The following DLGAP1 variants were observed in gnomAD, a reference collection of about 807,000 sequenced individuals.
DLGAP1 encodes the protein disks large-associated protein 1.
DLGAP1 carries 11 observed loss-of-function variants against 90.8 expected under a neutral mutation model. The ratio of observed to expected loss-of-function variants is 0.12; its 90% CI spans 0.08 to 0.20. The LOEUF (loss-of-function observed/expected upper bound fraction) is 0.20, where lower values mean the gene tolerates loss of function less well. Ranked by LOEUF, DLGAP1 falls within the 10% of genes least tolerant of loss-of-function variation. The pLI, the probability that DLGAP1 is intolerant of heterozygous loss-of-function variation, is 1.00. For missense variants in DLGAP1, 1,050 were observed against 1,333.8 expected, an observed-to-expected ratio of 0.79 and a Z score of 3.31; for synonymous variants, 558 against 540.7, an observed-to-expected ratio of 1.03 and a Z score of -0.44.
At chr18:3,904,596 G>A (rs1447295948) in intron 3 of DLGAP1, among the ~76,000 whole-genome samples, 1 of 152,132 alleles carries the variant, frequency 6.6e-6, no homozygotes, top group Admixed American at 6.6e-5. Context: ...TTTTAGTGAT[G>A]ATTAAAGAAT....
At chr18:4,320,528 C>A (rs1190634873) in intron 1 of DLGAP1, among the ~76,000 whole-genome samples, 2 of 152,166 alleles carry the variant, frequency 1.3e-5, no homozygotes, top group Non-Finnish European at 2.9e-5. Context: ...GAGGCAAATA[C>A]AGAAAGCCAA....
intron 2 of DLGAP1, among the ~76,000 whole-genome samples, chr18:4,036,202 AAC>A (rs1425351557): frequency 2.0e-5 from 3 of 152,218 alleles, no homozygotes; most frequent in Non-Finnish European, 4.4e-5. Flanking sequence ...TACTAGGAGA[AAC>A]ACAGCTGGCC....
At chr18:4,127,512 T>G (rs571640377) in intron 2 of DLGAP1, among the ~76,000 whole-genome samples, 2 of 152,152 alleles carry the variant, frequency 1.3e-5, no homozygotes, top group African/African-American at 4.8e-5. Context: ...AGTTGATCCA[T>G]TGATGAAAGA....
intron 2 of DLGAP1, among the ~76,000 whole-genome samples, chr18:4,035,879 A>G (rs2074879496): frequency 6.6e-6 from 1 of 152,160 alleles, no homozygotes; most frequent in Admixed American, 6.5e-5. Flanking sequence ...GTTCCTAAGT[A>G]CATAATCAGT....
intron 1 of DLGAP1, among the ~76,000 whole-genome samples, chr18:4,381,113 A>C (rs1477670646): frequency 6.6e-6 from 1 of 152,196 alleles, no homozygotes; most frequent in Non-Finnish European, 1.5e-5. Flanking sequence ...TTAACGATTC[A>C]AAATGGTTGA....
chr18:3,606,018 A>AC (rs2057310922), intron 7 of DLGAP1, among the ~76,000 whole-genome samples: 1 of 152,258 alleles, frequency 6.6e-6, no homozygotes, highest in East Asian at 1.9e-4. Flanking sequence ...GACATTAAGA[A>AC]AAAAAAAGGT....
At chr18:3,747,581 C>T (rs935145405) in intron 5 of DLGAP1, among the ~76,000 whole-genome samples, 11 of 152,116 alleles carry the variant, frequency 7.2e-5, no homozygotes, top group Admixed American at 1.3e-4. Flanking sequence ...AGGGCAGTGA[C>T]GGGAGTGGCT....
chr18:3,597,350 A>G (rs1311375088), intron 7 of DLGAP1: 1 of 416,838 alleles, frequency 2.4e-6, no homozygotes, highest in Non-Finnish European at 4.6e-6. Flanking sequence ...TGTCTGGTAA[A>G]CAGAATAAAT....
intron 3 of DLGAP1, among the ~76,000 whole-genome samples, chr18:3,977,436 T>C (rs796890491): frequency 2.6e-5 from 1 of 38,762 alleles, no homozygotes; most frequent in African/African-American, 1.5e-4. Flanking sequence ...TATTCTGTGT[T>C]TTTTTTTTTT....
intron 2 of DLGAP1, among the ~76,000 whole-genome samples, chr18:4,031,428 C>T (rs181058172): frequency 2.3e-4 from 35 of 152,300 alleles, no homozygotes; most frequent in Admixed American, 2.2e-3. Context: ...ATAATGGCCC[C>T]CTCATGAAAA....
intron 7 of DLGAP1, among the ~76,000 whole-genome samples, chr18:3,680,671 C>T (rs542040971): frequency 2.6e-5 from 4 of 151,940 alleles, no homozygotes; most frequent in Admixed American, 6.6e-5. Context: ...CACCTGTAGT[C>T]CCAGCTACTT....
chr18:3,770,876 G>C (rs1398584087), intron 5 of DLGAP1: 2 of 152,194 alleles, frequency 1.3e-5, no homozygotes, highest in Admixed American at 1.3e-4. Flanking sequence ...AGCTTTTCCA[G>C]ATAGGTGTTT....
At position 4,252,850 on chromosome 18, in the gene DLGAP1, C is replaced by T. The variant is rs115356450; in HGVS notation, c.-266-101563G>A. Among the ~76,000 whole-genome samples the T allele has an allele frequency of 4.0e-3, 613 of 152,284 alleles. 7 individuals carry two copies. Among genetic ancestry groups the T allele is most frequent in the African/African-American group, 0.014 (587 of 41,546 alleles). On this transcript the variant is annotated intron_variant, in intron 1 of 12. Transcript: ENST00000315677. ...AATTCACACATCACAATGGCTGTAG[C>T]GCCAATCATGAGCTACCTTTTCTCT...
At chr18:3,957,595 CCTTT>C (rs1483491558) in intron 3 of DLGAP1, among the ~76,000 whole-genome samples, 5 of 151,784 alleles carry the variant, frequency 3.3e-5, no homozygotes, top group African/African-American at 7.3e-5. Context: ...ACTACTAATC[CCTTT>C]CTATTTACTA....
chr18:3,506,279 C>T (rs888992210), intron 11 of DLGAP1, among the ~76,000 whole-genome samples: 1 of 150,730 alleles, frequency 6.6e-6, no homozygotes, highest in African/African-American at 2.4e-5. Flanking sequence ...TTTCGGTGGC[C>T]GAGGCGGGCA....
At chr18:3,863,559 C>T (rs545592656) in intron 4 of DLGAP1, among the ~76,000 whole-genome samples, 6 of 152,198 alleles carry the variant, frequency 3.9e-5, no homozygotes, top group Non-Finnish European at 7.3e-5. Context: ...CTGAGGGTGG[C>T]CCCAGAGGCA....
Position 3,675,712 on chromosome 18 carries a change from A to G in DLGAP1, c.1591+53423T>C, listed in dbSNP as rs2060272661. The stretch of plus-strand genomic sequence containing the variant: ...GACCCACTCCATAATGTGCCCTCTA[A>G]CAGGGCTTTCCATTAAGGCCTTTGC... On this transcript the variant is annotated intron_variant, in intron 7 of 12. Coordinates refer to ENST00000315677, the MANE Select transcript of DLGAP1 (RefSeq NM_004746.4). 2.6e-5 allele frequency among the ~76,000 whole-genome samples: 4 copies of G among 152,168 alleles called. No individual in the cohort carries two copies. In the South Asian group the frequency reaches 8.3e-4, roughly 32 times the overall value.
chr18:3,656,203 A>G, intron 7 of DLGAP1: 1 of 1,150,148 alleles, frequency 8.7e-7, no homozygotes. Context: ...TCAGATTTGG[A>G]TTTTTCTTTT....
intron 5 of DLGAP1, among the ~76,000 whole-genome samples, chr18:3,749,152 T>C (rs1459298789): frequency 1.4e-5 from 2 of 143,624 alleles, no homozygotes; most frequent in African/African-American, 2.6e-5. Flanking sequence ...CTTCTTCTTT[T>C]TTTTTTTTTT....
Sources: allele counts gnomAD v4.1 joint callset (sites outside exome capture counted in the v4.1 genomes callset), GRCh38; gene constraint gnomAD v4.1.1; transcripts MANE v1.5; gene names NCBI Gene and HGNC (gene_info 2026-07-23, HGNC 2026-07-21).